NKAIN2: variants seen among roughly 807,000 people sequenced by gnomAD.
NKAIN2 encodes the protein sodium/potassium-transporting ATPase subunit beta-1-interacting protein 2.
Under a neutral mutation model 32.6 loss-of-function variants are expected in NKAIN2, and 14 were observed. The ratio of observed to expected loss-of-function variants is 0.43; its 90% CI spans 0.28 to 0.67. The LOEUF is 0.67. Ranked by LOEUF, NKAIN2 falls within the 30% of genes least tolerant of loss-of-function variation. The pLI is 0.17. For synonymous variants in NKAIN2, 80 were observed against 87.2 expected (o/e 0.92, Z 0.46); for missense variants, 198 against 258.3 (o/e 0.77, Z 1.60).
intron 1 of NKAIN2, among the ~76,000 whole-genome samples, chr6:123,905,361 G>A (rs970582356): frequency 6.6e-6 from 1 of 152,122 alleles, no homozygotes; most frequent in East Asian, 1.9e-4. Flanking sequence ...AATCCTGAAT[G>A]TTTTGTAAGG....
intron 5 of NKAIN2, among the ~76,000 whole-genome samples, chr6:124,813,645 A>C (rs1451753771): frequency 6.6e-6 from 1 of 152,160 alleles, no homozygotes; most frequent in Non-Finnish European, 1.5e-5. Context: ...CTCAAGATAA[A>C]ACTCTATAAA....
At chr6:124,695,472 TATTG>T (rs2114551233) in intron 4 of NKAIN2, among the ~76,000 whole-genome samples, 1 of 152,288 alleles carries the variant, frequency 6.6e-6, no homozygotes, top group East Asian at 1.9e-4. Context: ...GAACTCCACT[TATTG>T]ATTTGATTCT....
At chr6:124,374,214 A>T (rs1583148786) in intron 3 of NKAIN2, among the ~76,000 whole-genome samples, 1 of 152,098 alleles carries the variant, frequency 6.6e-6, no homozygotes, top group Non-Finnish European at 1.5e-5. Flanking sequence ...TTTGGTGGTA[A>T]GGCAGTTAGG....
rs180950787 is a variant in NKAIN2 at position 123,863,120 on chromosome 6, C to T, written c.54+58866C>T. 1.6e-4 allele frequency among the ~76,000 whole-genome samples: 25 copies of T among 152,262 alleles called. 1 individual carries two copies. Among genetic ancestry groups the T allele is most frequent in the African/African-American group, 6.0e-4 (25 of 41,550 alleles). On this transcript the variant is annotated intron_variant, in intron 1 of 6. Coordinates refer to ENST00000368417, the MANE Select transcript of NKAIN2 (RefSeq NM_001040214.3). The stretch of plus-strand genomic sequence containing the variant: ...CTTGCCAACTGGCCTCTGGAGGAAG[C>T]ATCAGAGCCACAGATAAGGACAGAG...
chr6:124,602,256 A>T (rs1476306544), intron 3 of NKAIN2, among the ~76,000 whole-genome samples: 1 of 152,000 alleles, frequency 6.6e-6, no homozygotes, highest in African/African-American at 2.4e-5. Context: ...TACTAACTGC[A>T]TTTGAGAGAA....
intron 1 of NKAIN2, among the ~76,000 whole-genome samples, chr6:123,809,117 G>T (rs1773344685): frequency 6.6e-6 from 1 of 151,982 alleles, no homozygotes; most frequent in African/African-American, 2.4e-5. Context: ...AAGCAGTTTT[G>T]AAACTAATAT....
intron 1 of NKAIN2, among the ~76,000 whole-genome samples, chr6:123,824,145 A>G (rs1260867271): frequency 6.6e-6 from 1 of 152,120 alleles, no homozygotes; most frequent in Non-Finnish European, 1.5e-5. Context: ...ATCTTATTAT[A>G]TATAGAAATA....
chr6:124,301,631 AC>A (rs1161254542), intron 2 of NKAIN2, among the ~76,000 whole-genome samples: 1 of 152,166 alleles, frequency 6.6e-6, no homozygotes, highest in African/African-American at 2.4e-5. Flanking sequence ...ATGAGAACCC[AC>A]CTATTGTATC....
intron 3 of NKAIN2, among the ~76,000 whole-genome samples, chr6:124,413,927 T>G (rs1774340785): frequency 1.3e-5 from 2 of 152,168 alleles, no homozygotes; most frequent in African/African-American, 4.8e-5. Flanking sequence ...GAAGCACTTT[T>G]TGTAGATCTA....
chr6:123,868,736 T>C (rs1772714880), intron 1 of NKAIN2, among the ~76,000 whole-genome samples: 1 of 152,228 alleles, frequency 6.6e-6, no homozygotes, highest in African/African-American at 2.4e-5. Context: ...ATTGGCTTCC[T>C]CATTTAACAT....
chr6:124,470,860 A>C (rs896540105), intron 3 of NKAIN2, among the ~76,000 whole-genome samples: 3 of 152,182 alleles, frequency 2.0e-5, no homozygotes, highest in African/African-American at 7.2e-5. Context: ...AGCTTTGCTA[A>C]ACTTATGTTT....
At chr6:123,969,480 T>C (rs562519191) in intron 1 of NKAIN2, among the ~76,000 whole-genome samples, 12 of 152,316 alleles carry the variant, frequency 7.9e-5, no homozygotes, top group African/African-American at 2.4e-4. Context: ...CACACATTTA[T>C]GTAGACCTAA....
intron 1 of NKAIN2, among the ~76,000 whole-genome samples, chr6:124,192,818 C>T (rs1001295279): frequency 7.3e-5 from 10 of 136,544 alleles, no homozygotes; most frequent in South Asian, 4.8e-4. Context: ...GGCACGATCT[C>T]GGCTCACTGC....
intron 3 of NKAIN2, among the ~76,000 whole-genome samples, chr6:124,384,933 C>CT (rs1350914722): frequency 3.9e-5 from 6 of 152,180 alleles, no homozygotes; most frequent in Non-Finnish European, 8.8e-5. Context: ...CTTTTACTCA[C>CT]TTTTTAAATT....
intron 2 of NKAIN2, among the ~76,000 whole-genome samples, chr6:124,321,975 A>G (rs1408822695): frequency 6.6e-6 from 1 of 152,170 alleles, no homozygotes; most frequent in Non-Finnish European, 1.5e-5. Flanking sequence ...ACTTTAATAT[A>G]TATTTCTATA....
intron 1 of NKAIN2, among the ~76,000 whole-genome samples, chr6:123,980,847 G>C (rs990153687): frequency 1.3e-5 from 2 of 151,886 alleles, no homozygotes; most frequent in African/African-American, 4.8e-5. Flanking sequence ...GATTAAGTGG[G>C]GGTGTTCTAT....
In NKAIN2 at chr6:124,286,662, G is replaced by C. The variant is rs1456487444; in HGVS notation, c.192+3520G>C. ...GAAAATTGTGTGTGTGTGTGTGTGT[G>C]TGTGTGTGTGTGCGCGCGCGTGTGT... is the stretch of plus-strand genomic sequence containing the variant. On this transcript the variant is annotated intron_variant, in intron 2 of 6. Coordinates refer to ENST00000368417, the MANE Select transcript of NKAIN2 (RefSeq NM_001040214.3). Among the ~76,000 whole-genome samples the C allele has an allele frequency of 4.1e-5, 5 of 122,984 alleles. No homozygotes were observed. In the East Asian group the frequency reaches 9.9e-4, roughly 24 times the overall value. 80.7% of individuals were successfully genotyped at this position (122,984 alleles called of 152,430 possible). A position where few individuals can be genotyped will look rare whatever the true frequency, so the allele number is the denominator to read the frequency against.
intron 1 of NKAIN2, among the ~76,000 whole-genome samples, chr6:124,027,268 T>C (rs1376441455): frequency 6.6e-6 from 1 of 151,922 alleles, no homozygotes; most frequent in Non-Finnish European, 1.5e-5. Flanking sequence ...GCCTCCCAAG[T>C]AGCTAGGATT....
intron 3 of NKAIN2, among the ~76,000 whole-genome samples, chr6:124,572,964 C>G (rs986083699): frequency 2.6e-5 from 4 of 151,982 alleles, no homozygotes; most frequent in African/African-American, 9.7e-5. Flanking sequence ...CTCAGCCTCC[C>G]AAGTAGCTGG....
Sources: allele counts gnomAD v4.1 joint callset (sites outside exome capture counted in the v4.1 genomes callset), GRCh38; gene constraint gnomAD v4.1.1; transcripts MANE v1.5; gene names NCBI Gene and HGNC (gene_info 2026-07-23, HGNC 2026-07-21).